The following KCNQ1 variants were observed in gnomAD, a reference collection of about 807,000 sequenced individuals.
The protein encoded by KCNQ1 is potassium voltage-gated channel subfamily Q member 1.
Under a neutral mutation model 72.4 loss-of-function variants are expected in KCNQ1, and 49 were observed. The observed-to-expected ratio is 0.68, with a 90% CI of 0.54 to 0.86. The LOEUF is 0.86. Ranked by LOEUF, KCNQ1 falls within the 40% of genes least tolerant of loss-of-function variation. The pLI is 0.00. For synonymous variants in KCNQ1, 450 were observed against 412.6 expected, an observed-to-expected ratio of 1.09 and a Z score of -1.10; for missense variants, 790 against 945.1, an observed-to-expected ratio of 0.84 and a Z score of 2.15.
intron 1 of KCNQ1, among the ~76,000 whole-genome samples, chr11:2,501,718 CAAAAAAAAAAAAAAA>C (rs55865890): frequency 8.7e-5 from 6 of 68,888 alleles, no homozygotes; most frequent in South Asian, 7.5e-4. Context: ...AAAGATACAT[CAAAAAAAAAAAAAAA>C]AAAAAAAAAA....
rs1188617325 is a variant in KCNQ1, at chr11:2,683,957, TTAC to T, written c.1514+21878_1514+21880del. 1 of 396,240 alleles carries T rather than the reference TTAC, an allele frequency of 2.5e-6. No homozygotes were observed. The highest frequency in any genetic ancestry group is 2.1e-5 in the African/African-American group (1 of 47,014). The allele number at this position is 396,240 out of a possible 1,614,324, so 24.5% of individuals were successfully genotyped here. ...GTCAGACAAAACCAGCTGACTGCTTTTACTTTTTTTTTTTTTTCATTTAGAAGA... is the reference window on the plus strand; with the variant it reads ...GTCAGACAAAACCAGCTGACTGCTTTTTTTTTTTTTTTTTCATTTAGAAGA... On this transcript the variant is annotated intron_variant, in intron 11 of 15. Transcript: ENST00000155840. The surrounding 1 kb of genome is among the most constrained non-coding windows in gnomAD (Gnocchi z 4.7).
rs900879926 is a variant in KCNQ1 at position 2,808,297 on chromosome 11, G to T, written c.1794+30260G>T. Among the ~76,000 whole-genome samples the T allele has an allele frequency of 3.9e-5, 6 of 152,214 alleles. No homozygotes were observed. Among genetic ancestry groups the T allele is most frequent in the African/African-American group, 1.4e-4 (6 of 41,446 alleles). ...GTGGAAGATAATGGAGGTGTTACGG[G>T]GATGGGCTAGAACTCGGTCCTGGCA... On this transcript the variant is annotated intron_variant, in intron 15 of 15. Coordinates refer to ENST00000155840, the MANE Select transcript of KCNQ1 (RefSeq NM_000218.3). This position sits in a 1 kb window ranked among gnomAD's most constrained non-coding sequence, Gnocchi z 6.0.
intron 15 of KCNQ1, among the ~76,000 whole-genome samples, chr11:2,825,080 C>T (rs1847812575): frequency 6.6e-6 from 1 of 152,212 alleles, no homozygotes; most frequent in African/African-American, 2.4e-5. Context: ...GCGCAGTGTG[C>T]TGGGCCTCAG....
At chr11:2,644,213 T>G (rs1047428904) in intron 10 of KCNQ1, 13 of 398,468 alleles carry the variant, frequency 3.3e-5, no homozygotes, top group Non-Finnish European at 5.3e-5. Flanking sequence ...CTTCACCTTC[T>G]GGGACACTGA....
Position 2,671,818 on chromosome 11 carries a change from A to T in KCNQ1, c.1514+9737A>T. ...TTCTTCCCCCAAATAAATCCCTGCA[A>T]CCCCACTGTGGTTATAGGTCTGAGC... is the stretch of plus-strand genomic sequence containing the variant. On this transcript the variant is annotated intron_variant, in intron 11 of 15. Coordinates refer to ENST00000155840, the MANE Select transcript of KCNQ1 (RefSeq NM_000218.3). The surrounding 1 kb of genome is among the most constrained non-coding windows in gnomAD (Gnocchi z 4.7). 2.5e-6 allele frequency: 1 copy of T among 398,702 alleles called. No individual in the cohort carries two copies. Among genetic ancestry groups the T allele is most frequent in the East Asian group, 3.6e-5 (1 of 28,086 alleles). 24.7% of individuals were successfully genotyped at this position (398,702 alleles called of 1,614,324 possible).
chr11:2,656,835 T>C (rs1249879677), intron 10 of KCNQ1: 1 of 398,542 alleles, frequency 2.5e-6, no homozygotes, highest in Non-Finnish European at 4.4e-6. Flanking sequence ...GTGACCTTTA[T>C]AGTTATGCTT....
At chr11:2,622,921 T>A (rs1272843620) in intron 10 of KCNQ1, 2 of 398,510 alleles carry the variant, frequency 5.0e-6, no homozygotes, top group Non-Finnish European at 8.8e-6. Flanking sequence ...GGCTCACTGT[T>A]GGGGTGTACA....
At position 2,677,513 on chromosome 11, in the gene KCNQ1, T is replaced by C; in HGVS notation, c.1514+15432T>C. 2.5e-6 allele frequency: 1 copy of C among 398,570 alleles called. No homozygotes were observed. The allele number at this position is 398,570 out of a possible 1,614,324, so 24.7% of individuals were successfully genotyped here. ...CAAAAAATGATCCTCTCTGTGGAAG[T>C]GCTGCCAACATCCTCTGCCAAGTAT... On this transcript the variant is annotated intron_variant, in intron 11 of 15. Coordinates refer to ENST00000155840, the MANE Select transcript of KCNQ1 (RefSeq NM_000218.3). The surrounding 1 kb of genome is among the most constrained non-coding windows in gnomAD (Gnocchi z 4.5).
intron 12 of KCNQ1, among the ~76,000 whole-genome samples, chr11:2,773,203 G>A (rs1363729774): frequency 6.6e-6 from 1 of 152,036 alleles, no homozygotes; most frequent in Non-Finnish European, 1.5e-5. Flanking sequence ...CTACAGAAAG[G>A]AAGATCAAGG....
In KCNQ1 at chr11:2,828,007, T is replaced by C. The variant is rs1814632895; in HGVS notation, c.1795-19760T>C. Among the ~76,000 whole-genome samples, 1 of 152,074 alleles carries C rather than the reference T, an allele frequency of 6.6e-6. No individual in the cohort carries two copies. The highest frequency in any genetic ancestry group is 2.4e-5 in the African/African-American group (1 of 41,404). On this transcript the variant is annotated intron_variant, in intron 15 of 15. Coordinates refer to ENST00000155840, the MANE Select transcript of KCNQ1 (RefSeq NM_000218.3). The surrounding 1 kb of genome is among the most constrained non-coding windows in gnomAD (Gnocchi z 5.3). ...CACATAGAGGTCTTGAAAGCTCGAA[T>C]GTGGGGAGGCCAGCAACAGAGGGAA...
intron 15 of KCNQ1, among the ~76,000 whole-genome samples, chr11:2,793,000 G>A (rs1038609923): frequency 3.3e-5 from 5 of 152,130 alleles, no homozygotes; most frequent in Admixed American, 2.6e-4. Flanking sequence ...CTGTGTGGGC[G>A]GCAAGGTGGC....
intron 10 of KCNQ1, chr11:2,634,865 T>C (rs375506448): frequency 6.6e-5 from 10 of 152,198 alleles, no homozygotes; most frequent in Admixed American, 3.9e-4. Context: ...TTTTAATGAT[T>C]GCCATTCTAA....
chr11:2,680,206 T>TAAA (rs139249507), intron 11 of KCNQ1: 15 of 362,232 alleles, frequency 4.1e-5, no homozygotes, highest in Non-Finnish European at 6.7e-5. Context: ...CTTGCCTAAT[T>TAAA]AAAAAAAAAA....
rs1365013995 is a variant in KCNQ1 at position 2,651,945 on chromosome 11, G to A, written c.1394-10016G>A. On this transcript the variant is annotated intron_variant, in intron 10 of 15. Coordinates refer to ENST00000155840, the MANE Select transcript of KCNQ1 (RefSeq NM_000218.3). This position sits in a 1 kb window ranked among gnomAD's most constrained non-coding sequence, Gnocchi z 6.1. ...TCCTCCTACTCACAGCCCTCCTGCA[G>A]CCAGCAGCAGTGGGGGAGCCAAGCT... The A allele has an allele frequency of 2.5e-6, 1 of 398,564 alleles. No individual in the cohort carries two copies. The highest frequency in any genetic ancestry group is 2.1e-5 in the African/African-American group (1 of 48,610). The allele number at this position is 398,564 out of a possible 1,614,324, so 24.7% of individuals were successfully genotyped here.
Position 2,570,638 on chromosome 11 carries a change from T to TGA in KCNQ1, c.489_490insAG (p.Val164ArgfsTer74). 6.2e-7 allele frequency: 1 copy of TGA among 1,612,742 alleles called. No individual in the cohort carries two copies. ...ACTCTGTCCCTGCAGGAGATCGTGCTGGTGGTGTTCTTCGGGACGGAGTAC... is the reference window on the plus strand; with the variant it reads ...ACTCTGTCCCTGCAGGAGATCGTGCTGAGGTGGTGTTCTTCGGGACGGAGTAC... On this transcript the variant is annotated frameshift_variant, in exon 3 of 16. Coordinates refer to ENST00000155840, the MANE Select transcript of KCNQ1 (RefSeq NM_000218.3). LOFTEE classifies it high-confidence loss of function.
chr11:2,522,662 A>G (rs1371284982), intron 1 of KCNQ1, among the ~76,000 whole-genome samples: 2 of 152,264 alleles, frequency 1.3e-5, no homozygotes, highest in Non-Finnish European at 2.9e-5. Flanking sequence ...AAATATCGGA[A>G]GAATCATTTA....
Position 2,783,604 on chromosome 11 carries a change from A to G in KCNQ1, c.1794+5567A>G, listed in dbSNP as rs1469532974. 6.6e-6 allele frequency among the ~76,000 whole-genome samples: 1 copy of G among 152,090 alleles called. No individual in the cohort carries two copies. Among genetic ancestry groups the G allele is most frequent in the Middle Eastern group, 3.2e-3 (1 of 316 alleles). ...TCTAAACTGTTTCCAAAGGATTTAT[A>G]CCATTTTGCTTTCTCACCAGTAAAG... On this transcript the variant is annotated intron_variant, in intron 15 of 15. Coordinates refer to ENST00000155840, the MANE Select transcript of KCNQ1 (RefSeq NM_000218.3). This position sits in a 1 kb window ranked among gnomAD's most constrained non-coding sequence, Gnocchi z 5.2.
Position 2,826,416 on chromosome 11 carries a change from T to A in KCNQ1, c.1795-21351T>A, listed in dbSNP as rs1847841245. Among the ~76,000 whole-genome samples, 1 of 152,198 alleles carries A rather than the reference T, an allele frequency of 6.6e-6. No individual in the cohort carries two copies. Among genetic ancestry groups the A allele is most frequent in the Admixed American group, 6.5e-5 (1 of 15,284 alleles). On this transcript the variant is annotated intron_variant, in intron 15 of 15. Coordinates refer to ENST00000155840, the MANE Select transcript of KCNQ1 (RefSeq NM_000218.3). This position sits in a 1 kb window ranked among gnomAD's most constrained non-coding sequence, Gnocchi z 4.2. Reference sequence around the variant, plus strand: ...CCCGCGGCCAGGCCCAGCAGCCGCCTCTTGGCAGCGCTGATGGAAACCGCC... The same window carrying A: ...CCCGCGGCCAGGCCCAGCAGCCGCCACTTGGCAGCGCTGATGGAAACCGCC...
intron 11 of KCNQ1, among the ~76,000 whole-genome samples, chr11:2,719,513 C>T (rs1851168454): frequency 6.6e-6 from 1 of 151,742 alleles, no homozygotes; most frequent in Non-Finnish European, 1.5e-5. Context: ...AAAAAAAAAC[C>T]ATTATCACCC....
Sources: allele counts gnomAD v4.1 joint callset (sites outside exome capture counted in the v4.1 genomes callset), GRCh38; gene constraint gnomAD v4.1.1; non-coding constraint Gnocchi (gnomAD v3.1); transcripts MANE v1.5; gene names NCBI Gene and HGNC (gene_info 2026-07-23, HGNC 2026-07-21).